MPP4: variants seen among roughly 807,000 people sequenced by gnomAD.
The protein encoded by MPP4 is MAGUK p55 scaffold protein 4, also known as MAGUK p55 subfamily member 4.
Under a neutral mutation model 98.3 loss-of-function variants are expected in MPP4, and 91 were observed. The observed-to-expected ratio is 0.93, with a 90% CI of 0.78 to 1.10. MPP4 has a LOEUF of 1.10. MPP4 is among the 50% of genes least tolerant of loss of function. MPP4 has a pLI of 0.00. For synonymous variants in MPP4, 261 were observed against 271.8 expected (o/e 0.96, Z 0.39); for missense variants, 744 against 792.9 (o/e 0.94, Z 0.74).
rs182474826 is a variant in MPP4, at chr2:201,670,164, A to G, written c.995-414T>C. ...AGGGAAAGAAAGAGGGAAGACAACTATAAGTGCACCTTCAGTAAATAACAT... is the reference window on the plus strand; with the variant it reads ...AGGGAAAGAAAGAGGGAAGACAACTGTAAGTGCACCTTCAGTAAATAACAT... On this transcript the variant is annotated intron_variant, in intron 11 of 21. Coordinates refer to ENST00000409474, the MANE Select transcript of MPP4 (RefSeq NM_033066.3). Among the ~76,000 whole-genome samples, 5 of 152,314 alleles carry G rather than the reference A, an allele frequency of 3.3e-5. No individual in the cohort carries two copies. In the South Asian group the frequency reaches 6.2e-4, roughly 19 times the overall value.
Position 201,690,283 on chromosome 2 carries a change from C to T in MPP4, c.202-4G>A, listed in dbSNP as rs1559019053. 5 of 1,591,756 alleles carry T rather than the reference C, an allele frequency of 3.1e-6. No homozygotes were observed. The highest frequency in any genetic ancestry group is 4.3e-6 in the Non-Finnish European group (5 of 1,165,162). On this transcript the variant is annotated splice_polypyrimidine_tract_variant and splice_region_variant and intron_variant, in intron 3 of 21. Transcript: ENST00000409474. ...ATTCCTGGAGGCAGTCATAAATCTGCAGAAGGACAAGGGAGGGAGAATTGA... is the reference window on the plus strand; with the variant it reads ...ATTCCTGGAGGCAGTCATAAATCTGTAGAAGGACAAGGGAGGGAGAATTGA...
chr2:201,656,353 C>G lies in MPP4; in HGVS notation c.1145G>C (p.Ser382Thr). 3 of 1,551,924 alleles carry G rather than the reference C, an allele frequency of 1.9e-6. No homozygotes were observed. The highest frequency in any genetic ancestry group is 2.6e-6 in the Non-Finnish European group (3 of 1,147,084). The stretch of plus-strand genomic sequence containing the variant: ...AGACTTCCTGCGACAAAGGCGCATG[C>G]TGCGGCGGAAGCCAGCTAGGGAGGG... ...QKFFIAGFRRSMRLCRRKSHL... is the reference protein window; with the variant it reads ...QKFFIAGFRRTMRLCRRKSHL... The change falls in exon 17 of 22, where the codon AGC becomes ACC. Residue 382 changes from serine (S) to threonine (T), a missense_variant. By Grantham distance (58) the Ser-to-Thr change is moderately conservative (BLOSUM62 1). Coordinates refer to ENST00000409474, the MANE Select transcript of MPP4 (RefSeq NM_033066.3).
chr2:201,649,932 T>C (rs1687669598), intron 19 of MPP4, 140 bp downstream of exon 19: 1 of 864,772 alleles, frequency 1.2e-6, no homozygotes. Flanking sequence ...GTGTGCTGTA[T>C]ATCGATGTAC....
At chr2:201,689,951 C>A (rs188494313) in intron 4 of MPP4, among the ~76,000 whole-genome samples, 1 of 152,048 alleles carries the variant, frequency 6.6e-6, no homozygotes, top group Admixed American at 6.5e-5. Flanking sequence ...AAATGGAGTA[C>A]GAGACTTAGG....
At chr2:201,693,067 C>A (rs748997470) in intron 2 of MPP4, 38 bp from the exon 3 acceptor site, 1 of 1,593,282 alleles carries the variant, frequency 6.3e-7, no homozygotes, top group South Asian at 1.1e-5. Context: ...GTGGCAGGTG[C>A]GGGTGTAAAT....
chr2:201,670,095 A>C (rs1242785845), intron 11 of MPP4, among the ~76,000 whole-genome samples: 1 of 152,206 alleles, frequency 6.6e-6, no homozygotes, highest in African/African-American at 2.4e-5. Flanking sequence ...ATTTTCAATG[A>C]AAGGAAGGGA....
chr2:201,690,553 T>A (rs908412283), intron 3 of MPP4, among the ~76,000 whole-genome samples: 2 of 152,204 alleles, frequency 1.3e-5, no homozygotes, highest in Admixed American at 6.5e-5. Flanking sequence ...TTCAAACTTT[T>A]AATCTTGTTA....
intron 2 of MPP4, 121 bp downstream of exon 2, chr2:201,693,755 A>G (rs1689103447): frequency 1.6e-6 from 2 of 1,254,680 alleles, no homozygotes; most frequent in Non-Finnish European, 2.3e-6. Flanking sequence ...TGCAACCAAA[A>G]ATGTACAAGA....
chr2:201,652,057 G>A (rs1687728710), intron 18 of MPP4: 1 of 962,540 alleles, frequency 1.0e-6, no homozygotes, highest in Admixed American at 6.2e-5. Context: ...GTACATGAAA[G>A]CAGTACTTCA....
chr2:201,666,473 C>A (rs1352072801), intron 12 of MPP4, 101 bp from the exon 13 acceptor site: 1 of 904,618 alleles, frequency 1.1e-6, no homozygotes, highest in East Asian at 3.0e-5. Context: ...GTGATCCCAG[C>A]ACTCTGGGAG....
rs1250323564 is a variant in MPP4, at chr2:201,692,913, G to A, written c.196C>T (p.Leu66=). 6.2e-7 allele frequency: 1 copy of A among 1,607,504 alleles called. No homozygotes were observed. Among genetic ancestry groups the A allele is most frequent in the East Asian group, 2.2e-5 (1 of 44,552 alleles). The change falls in exon 3 of 22, where the codon CTA becomes TTA. Residue 66 remains leucine, a synonymous_variant. Transcript: ENST00000409474. The part of the protein sequence containing the change: ...LLHSPWLQAL[L]KIYDCLQEFK... ...CCGAGCAAAGAAGCACTCACCTTTA[G>A]CAGAGCCTGAAGCCACGGCGAGTGG...
intron 10 of MPP4, among the ~76,000 whole-genome samples, chr2:201,676,138 C>A (rs1301307895): frequency 6.6e-6 from 1 of 152,200 alleles, no homozygotes; most frequent in Non-Finnish European, 1.5e-5. Context: ...ATCTGGGCCT[C>A]CCAGAGCTCC....
chr2:201,671,577 CA>C (rs572722735), intron 11 of MPP4, among the ~76,000 whole-genome samples: 1 of 150,694 alleles, frequency 6.6e-6, no homozygotes, highest in African/African-American at 2.4e-5. Context: ...AAATGGAAAG[CA>C]AAAAAAAGCA....
At position 201,689,063 on chromosome 2, in the gene MPP4, C is replaced by T. The variant is rs112185759; in HGVS notation, c.279+1139G>A. ...GGTGTTTAGGCCAGGTGTGGTGGCT[C>T]ACACCTGTAATCCCAGCACTTTGGG... On this transcript the variant is annotated intron_variant, in intron 4 of 21. Transcript: ENST00000409474. Among the ~76,000 whole-genome samples, 650 of 152,176 alleles carry T rather than the reference C, an allele frequency of 4.3e-3. 4 individuals are homozygous for T. The highest frequency in any genetic ancestry group is 0.015 in the African/African-American group (614 of 41,512).
intron 3 of MPP4, among the ~76,000 whole-genome samples, chr2:201,691,057 T>C (rs1269928061): frequency 6.6e-6 from 1 of 152,220 alleles, no homozygotes. Context: ...TTCCCTGCTC[T>C]ATCCCAGGGC....
intron 3 of MPP4, among the ~76,000 whole-genome samples, chr2:201,690,616 G>A (rs760980192): frequency 1.3e-5 from 2 of 152,180 alleles, no homozygotes; most frequent in African/African-American, 2.4e-5. Context: ...ATTTGTAGAT[G>A]ATGCATAAAG....
At chr2:201,695,442 C>T (rs6435095) in intron 1 of MPP4, among the ~76,000 whole-genome samples, 94,410 of 152,048 alleles carry the variant, frequency 0.62, 30,375 homozygotes, top group Non-Finnish European at 0.72. Context: ...TATCTGAATC[C>T]AGACGCCAAC....
chr2:201,646,416 T>C (rs894992408), intron 21 of MPP4, among the ~76,000 whole-genome samples: 3 of 152,234 alleles, frequency 2.0e-5, no homozygotes, highest in African/African-American at 7.2e-5. Context: ...TTCATTGCTG[T>C]TATTTTCTTA....
rs568263304 is a variant in MPP4, at chr2:201,669,134, G to C, written c.1012+599C>G. 1.7e-4 allele frequency among the ~76,000 whole-genome samples: 26 copies of C among 151,924 alleles called. No individual in the cohort carries two copies. The East Asian group carries it at 4.5e-3, about 26-fold the overall frequency. ...TGTGTGTGTGTGTGAGAGAGAGAGA[G>C]AGAGAGCACCATCATAATGAGTCAT... On this transcript the variant is annotated intron_variant, in intron 12 of 21. Coordinates refer to ENST00000409474, the MANE Select transcript of MPP4 (RefSeq NM_033066.3).
Sources: gnomAD v4.1 joint callset for allele counts (sites outside exome capture counted in the v4.1 genomes callset) on GRCh38, gnomAD v4.1.1 for gene constraint, MANE v1.5 for transcripts, NCBI Gene and HGNC (gene_info 2026-07-23, HGNC 2026-07-21) for gene names.